Variants in KIAA0319L observed in about 807,000 individuals in gnomAD.
KIAA0319L encodes dyslexia-associated protein KIAA0319-like protein.
KIAA0319L carries 55 observed loss-of-function variants against 120.1 expected under a neutral mutation model. The observed-to-expected ratio is 0.46, with a 90% CI of 0.37 to 0.57. KIAA0319L has a LOEUF of 0.57. Among genes scored for constraint, KIAA0319L ranks in the 20% least tolerant of loss-of-function variants. The pLI, the probability that KIAA0319L is intolerant of heterozygous loss-of-function variation, is 0.00. For synonymous variants in KIAA0319L, 398 were observed against 471.9 expected (o/e 0.84, Z 2.03); for missense variants, 1,049 against 1,255.3 (o/e 0.84, Z 2.48).
In KIAA0319L at chr1:35,434,490, T is replaced by G. The variant is rs1268280954; in HGVS notation, c.*404A>C. The G allele has an allele frequency of 6.0e-6, 1 of 167,346 alleles. No individual in the cohort carries two copies. The highest frequency in any genetic ancestry group is 1.3e-5 in the Non-Finnish European group (1 of 78,970). 10.4% of individuals were successfully genotyped at this position (167,346 alleles called of 1,614,324 possible). ...CTCTACCCCAGAGAGGGAAACACCATGCCCACAGTGCTTGGTTTTGCACTC... is the reference window on the plus strand; with the variant it reads ...CTCTACCCCAGAGAGGGAAACACCAGGCCCACAGTGCTTGGTTTTGCACTC... On this transcript the variant is annotated 3_prime_UTR_variant, in exon 21 of 21. Coordinates refer to ENST00000325722, the MANE Select transcript of KIAA0319L (RefSeq NM_024874.5).
At chr1:35,556,406 C>G (rs1466485850) in intron 1 of KIAA0319L, 1 of 152,176 alleles carries the variant, frequency 6.6e-6, no homozygotes, top group Non-Finnish European at 1.5e-5. Context: ...TATGAGTAAT[C>G]GAGAATAAAG....
chr1:35,552,801 G>A (rs1571057096), intron 2 of KIAA0319L, among the ~76,000 whole-genome samples: 1 of 152,180 alleles, frequency 6.6e-6, no homozygotes, highest in East Asian at 1.9e-4. Context: ...GACGGGTGTA[G>A]TTGCTCACAT....
chr1:35,462,215 G>T (rs1279739508), intron 8 of KIAA0319L, among the ~76,000 whole-genome samples: 1 of 152,140 alleles, frequency 6.6e-6, no homozygotes, highest in African/African-American at 2.4e-5. Flanking sequence ...TTAGGCAAGT[G>T]ATGGCTGGGT....
chr1:35,477,662 GTC>G (rs1199816867), intron 4 of KIAA0319L, among the ~76,000 whole-genome samples: 1 of 105,152 alleles, frequency 9.5e-6, no homozygotes, highest in East Asian at 3.6e-4. Context: ...GTGAGACTCT[GTC>G]TCAAAAAAAA....
intron 6 of KIAA0319L, among the ~76,000 whole-genome samples, chr1:35,468,129 T>C (rs1403853817): frequency 1.3e-5 from 2 of 152,198 alleles, no homozygotes; most frequent in South Asian, 2.1e-4. Context: ...GTAACAAACA[T>C]CTTCCAGGCA....
At chr1:35,555,575 G>T (rs1270507644) in intron 1 of KIAA0319L, among the ~76,000 whole-genome samples, 1 of 152,230 alleles carries the variant, frequency 6.6e-6, no homozygotes, top group Non-Finnish European at 1.5e-5. Context: ...TTTTGTAGTT[G>T]TATTTCAGGG....
chr1:35,493,458 G>C (rs544194362), intron 3 of KIAA0319L, among the ~76,000 whole-genome samples: 1 of 151,994 alleles, frequency 6.6e-6, no homozygotes, highest in Admixed American at 6.6e-5. Flanking sequence ...CACTAGCTGG[G>C]TGCCAGTGTA....
intron 3 of KIAA0319L, among the ~76,000 whole-genome samples, chr1:35,505,407 G>A (rs1203144): frequency 6.6e-6 from 1 of 151,898 alleles, no homozygotes; most frequent in Admixed American, 6.6e-5. Flanking sequence ...TAAACATCTC[G>A]GAGAAGTCTT....
At chr1:35,443,301 C>G in intron 17 of KIAA0319L, 1 of 391,662 alleles carries the variant, frequency 2.6e-6, no homozygotes. Context: ...CACACATCCC[C>G]TTCTCACAAT....
intron 7 of KIAA0319L, among the ~76,000 whole-genome samples, chr1:35,463,113 C>A (rs1643013418): frequency 6.6e-6 from 1 of 152,204 alleles, no homozygotes; most frequent in African/African-American, 2.4e-5. Context: ...CAGCCCAGTT[C>A]CTAACAGGCC....
At chr1:35,513,286 ATATTTT>A (rs1272016865) in intron 2 of KIAA0319L, among the ~76,000 whole-genome samples, 386 of 102,716 alleles carry the variant, frequency 3.8e-3, no homozygotes, top group Middle Eastern at 0.011. Context: ...ATATATATAT[ATATTTT>A]TTTTTTTTTT....
At position 35,434,566 on chromosome 1, in the gene KIAA0319L, T is replaced by G. The variant is rs781392802; in HGVS notation, c.*328A>C. ...TCACCTTGCAGCACTCTGGGCACAA[T>G]GACACTGTCCACTGGGGAGCTGCAG... On this transcript the variant is annotated 3_prime_UTR_variant, in exon 21 of 21. Coordinates refer to ENST00000325722, the MANE Select transcript of KIAA0319L (RefSeq NM_024874.5). The G allele has an allele frequency of 3.4e-6, 1 of 290,980 alleles. No individual in the cohort carries two copies. The highest frequency in any genetic ancestry group is 6.4e-6 in the Non-Finnish European group (1 of 156,104). 18.0% of individuals were successfully genotyped at this position (290,980 alleles called of 1,614,324 possible).
At position 35,473,080 on chromosome 1, in the gene KIAA0319L, CTTTT is replaced by C. The variant is rs962861379; in HGVS notation, c.1015+1721_1015+1724del. Among the ~76,000 whole-genome samples, 1,740 of 90,324 alleles carry C rather than the reference CTTTT, an allele frequency of 0.019. 34 individuals are homozygous for C. The East Asian group carries it at 0.2, about 10-fold the overall frequency. The allele number at this position is 90,324 out of a possible 152,430, so 59.3% of individuals were successfully genotyped here. On this transcript the variant is annotated intron_variant, in intron 5 of 20. Transcript: ENST00000325722. ...ACAGGCATGAGCCACTGCGCCCAGCCTTTTTTTTTTTTTTTTTTTTTTTCTTTTT... is the reference window on the plus strand; with the variant it reads ...ACAGGCATGAGCCACTGCGCCCAGCCTTTTTTTTTTTTTTTTTTTCTTTTT...
intron 3 of KIAA0319L, among the ~76,000 whole-genome samples, chr1:35,487,452 G>C (rs540975287): frequency 3.9e-5 from 6 of 152,078 alleles, no homozygotes; most frequent in African/African-American, 1.4e-4. Context: ...ACGGGGTTTC[G>C]CCATGTTGGC....
chr1:35,484,396 G>A (rs562477782), intron 3 of KIAA0319L, among the ~76,000 whole-genome samples: 4 of 152,208 alleles, frequency 2.6e-5, no homozygotes, highest in East Asian at 3.9e-4. Flanking sequence ...AACATAGTGG[G>A]ACCCCTATCT....
chr1:35,503,267 C>T (rs1482139508), intron 3 of KIAA0319L, among the ~76,000 whole-genome samples: 1 of 152,166 alleles, frequency 6.6e-6, no homozygotes, highest in Non-Finnish European at 1.5e-5. Context: ...CTGTGTCCTA[C>T]CCAATCCTTT....
chr1:35,454,327 A>C (rs376628719), intron 11 of KIAA0319L, 35 bp downstream of exon 11: 194 of 1,611,248 alleles, frequency 1.2e-4, no homozygotes, highest in Non-Finnish European at 1.5e-4. Flanking sequence ...TGGACCCACC[A>C]ATAGAAGAGC....
intron 7 of KIAA0319L, among the ~76,000 whole-genome samples, chr1:35,464,075 T>C (rs1347327516): frequency 1.3e-5 from 2 of 152,306 alleles, no homozygotes; most frequent in Non-Finnish European, 2.9e-5. Context: ...GGCATGTCTT[T>C]ATCAGCAGTG....
At chr1:35,474,520 A>T (rs1440848044) in intron 5 of KIAA0319L, among the ~76,000 whole-genome samples, 1 of 152,250 alleles carries the variant, frequency 6.6e-6, no homozygotes, top group Non-Finnish European at 1.5e-5. Context: ...TTGGTCAAAC[A>T]ACCAGTAAAT....
Sources: allele counts gnomAD v4.1 joint callset (sites outside exome capture counted in the v4.1 genomes callset), GRCh38; gene constraint gnomAD v4.1.1; transcripts MANE v1.5; gene names NCBI Gene and HGNC (gene_info 2026-07-23, HGNC 2026-07-21).